MOCOS: variants seen among roughly 807,000 people sequenced by gnomAD.
MOCOS encodes human molybdenum cofactor sulfurase.
MOCOS carries 86 observed loss-of-function variants against 83.6 expected under a neutral mutation model. The observed-to-expected ratio is 1.03, with a 90% CI of 0.86 to 1.23. The LOEUF (loss-of-function observed/expected upper bound fraction) is 1.23, where lower values mean the gene tolerates loss of function less well. Ranked by LOEUF, MOCOS falls within the 50% of genes most tolerant of loss-of-function variation. The pLI is 0.00. For synonymous variants in MOCOS, 445 were observed against 434.7 expected (o/e 1.02, Z -0.29); for missense variants, 1,120 against 1,126.9 (o/e 0.99, Z 0.09).
At chr18:36,261,659 C>G (rs1233973430) in intron 13 of MOCOS, among the ~76,000 whole-genome samples, 1 of 152,142 alleles carries the variant, frequency 6.6e-6, no homozygotes, top group Admixed American at 6.5e-5. Context: ...CCCTAGACTT[C>G]CTCTTACCCT....
At chr18:36,217,969 C>A (rs2091481347) in intron 8 of MOCOS, among the ~76,000 whole-genome samples, 1 of 152,144 alleles carries the variant, frequency 6.6e-6, no homozygotes, top group Non-Finnish European at 1.5e-5. Flanking sequence ...TGCTCCACAG[C>A]TGAACTTCTA....
chr18:36,235,817 G>C (rs1266902345), intron 9 of MOCOS, among the ~76,000 whole-genome samples: 1 of 145,872 alleles, frequency 6.9e-6, no homozygotes, highest in Non-Finnish European at 1.5e-5. Flanking sequence ...TTTAATGATT[G>C]CCATTCTAAC....
Position 36,235,754 on chromosome 18 carries a change from A to G in MOCOS, c.1961-13168A>G, listed in dbSNP as rs567344368. Among the ~76,000 whole-genome samples, 91 of 150,344 alleles carry G rather than the reference A, an allele frequency of 6.1e-4. 1 individual carries two copies. Among genetic ancestry groups the G allele is most frequent in the African/African-American group, 1.8e-3 (72 of 40,872 alleles). On this transcript the variant is annotated intron_variant, in intron 9 of 14. Coordinates refer to ENST00000261326, the MANE Select transcript of MOCOS (RefSeq NM_017947.4). ...TAGTTTACAGTCCCAACAACAGTGTAAAAGTGTTCCTATTTCTCCACATCC... is the reference window on the plus strand; with the variant it reads ...TAGTTTACAGTCCCAACAACAGTGTGAAAGTGTTCCTATTTCTCCACATCC...
At chr18:36,223,617 T>C (rs1057171686) in intron 9 of MOCOS, among the ~76,000 whole-genome samples, 1 of 152,212 alleles carries the variant, frequency 6.6e-6, no homozygotes, top group Non-Finnish European at 1.5e-5. Flanking sequence ...GTTCTTTCTA[T>C]TTCTGTAAAA....
chr18:36,210,850 C>CAAAAAAAAAAAAA lies in MOCOS; in HGVS notation c.1219-2498_1219-2486dup, dbSNP rs60856965. Among the ~76,000 whole-genome samples, 151 of 48,044 alleles carry CAAAAAAAAAAAAA rather than the reference C, an allele frequency of 3.1e-3. 18 individuals are homozygous for CAAAAAAAAAAAAA. Among genetic ancestry groups the CAAAAAAAAAAAAA allele is most frequent in the Non-Finnish European group, 3.3e-3 (94 of 28,256 alleles). The allele number at this position is 48,044 out of a possible 152,430, so 31.5% of individuals were successfully genotyped here. A position where few individuals can be genotyped will look rare whatever the true frequency, so the allele number is the denominator to read the frequency against. ...TGGGTGACAGAGCAAGACTCTGTCT[C>CAAAAAAAAAAAAA]AAAAAAAAAAAAAAAAAAAAAAAAA... On this transcript the variant is annotated intron_variant, in intron 6 of 14. Transcript: ENST00000261326.
intron 9 of MOCOS, among the ~76,000 whole-genome samples, chr18:36,234,119 A>G (rs78264868): frequency 0.017 from 2,539 of 152,288 alleles, 59 homozygotes; most frequent in African/African-American, 0.057. Flanking sequence ...CGCAATATCT[A>G]GAAGGGTTTT....
chr18:36,228,608 C>T (rs1027378629), intron 9 of MOCOS, among the ~76,000 whole-genome samples: 1 of 152,024 alleles, frequency 6.6e-6, no homozygotes, highest in Non-Finnish European at 1.5e-5. Context: ...CATGTTCTCA[C>T]TTATAAATGG....
rs758219861 is a variant in MOCOS, at chr18:36,215,647, C to T, written c.1467C>T (p.Arg489=). ...QAFLRFIIDT[R]LHSSGDWPVP... ...TTCTTAGGTTCATCATAGACACTCG[C>T]CTGCACTCATCAGGGGACTGGCCTG... The change falls in exon 8 of 15, where the codon CGC becomes CGT. Residue 489 remains arginine, a synonymous_variant. Coordinates refer to ENST00000261326, the MANE Select transcript of MOCOS (RefSeq NM_017947.4). The T allele has an allele frequency of 4.3e-6, 7 of 1,614,060 alleles. No individual in the cohort carries two copies. The highest frequency in any genetic ancestry group is 1.3e-5 in the African/African-American group (1 of 74,926).
In MOCOS at chr18:36,269,111, T is replaced by G; in HGVS notation, c.*426T>G. On this transcript the variant is annotated 3_prime_UTR_variant, in exon 15 of 15. Transcript: ENST00000261326. ...AGTGAGGAAGGGAGTCTATGCCCAG[T>G]GATCCTGGGTATGAGAAGGTGCTCC... 1 of 207,550 alleles carries G rather than the reference T, an allele frequency of 4.8e-6. No individual in the cohort carries two copies. The highest frequency in any genetic ancestry group is 9.8e-6 in the Non-Finnish European group (1 of 101,898). The allele number at this position is 207,550 out of a possible 1,614,324, so 12.9% of individuals were successfully genotyped here.
At chr18:36,201,274 CTGGA>C (rs1431155077) in intron 4 of MOCOS, among the ~76,000 whole-genome samples, 1 of 152,212 alleles carries the variant, frequency 6.6e-6, no homozygotes, top group Non-Finnish European at 1.5e-5. Context: ...AAGCCTCAGG[CTGGA>C]CCACTGGGGA....
chr18:36,208,425 C>T (rs865803196), intron 6 of MOCOS, among the ~76,000 whole-genome samples: 38 of 152,140 alleles, frequency 2.5e-4, no homozygotes, highest in African/African-American at 9.2e-4. Flanking sequence ...TGTTCCTATC[C>T]ATGAGTATGG....
intron 9 of MOCOS, among the ~76,000 whole-genome samples, chr18:36,234,239 T>C (rs920875284): frequency 3.9e-5 from 6 of 152,198 alleles, no homozygotes; most frequent in Non-Finnish European, 5.9e-5. Flanking sequence ...CATTTTCATG[T>C]TTTTACATGT....
At chr18:36,242,956 G>T (rs2091589334) in intron 9 of MOCOS, among the ~76,000 whole-genome samples, 1 of 152,134 alleles carries the variant, frequency 6.6e-6, no homozygotes, top group Non-Finnish European at 1.5e-5. Context: ...TTTCAGCAGT[G>T]TTTTATTGTT....
Position 36,187,646 on chromosome 18 carries a change from G to A in MOCOS, c.107G>A (p.Arg36His), listed in dbSNP as rs2091346612. 8.0e-7 allele frequency: 1 copy of A among 1,251,860 alleles called. No homozygotes were observed. The highest frequency in any genetic ancestry group is 1.0e-6 in the Non-Finnish European group (1 of 997,988). The allele number at this position is 1,251,860 out of a possible 1,614,324, so 77.5% of individuals were successfully genotyped here. A position where few individuals can be genotyped will look rare whatever the true frequency, so the allele number is the denominator to read the frequency against. The change falls in exon 1 of 15, where the codon CGC becomes CAC. Residue 36 changes from arginine (R) to histidine (H), a missense_variant. Transcript: ENST00000261326. ...TACGGCTACGGCCCGGGCAGCCTGC[G>A]CGAGCTGCGGGCGCGCGAGTTCAGC... is the stretch of plus-strand genomic sequence containing the variant. ...LAYGYGPGSL[R>H]ELRAREFSRL...
intron 9 of MOCOS, among the ~76,000 whole-genome samples, chr18:36,221,664 T>C (rs547925600): frequency 9.9e-5 from 15 of 152,074 alleles, no homozygotes; most frequent in Non-Finnish European, 1.9e-4. Flanking sequence ...CGTGGTTTAT[T>C]TTTCCTTGAA....
chr18:36,245,112 G>A (rs1173522763), intron 9 of MOCOS, among the ~76,000 whole-genome samples: 1 of 152,000 alleles, frequency 6.6e-6, no homozygotes, highest in Non-Finnish European at 1.5e-5. Context: ...GAACATTTAG[G>A]CCATTTACAT....
At chr18:36,245,201 G>A (rs1277298764) in intron 9 of MOCOS, among the ~76,000 whole-genome samples, 1 of 151,784 alleles carries the variant, frequency 6.6e-6, no homozygotes, top group Non-Finnish European at 1.5e-5. Flanking sequence ...TTTTTATTGT[G>A]TTATTGTTTT....
At chr18:36,226,343 C>G (rs2091515236) in intron 9 of MOCOS, among the ~76,000 whole-genome samples, 2 of 152,076 alleles carry the variant, frequency 1.3e-5, no homozygotes, top group Admixed American at 6.6e-5. Flanking sequence ...GCCACTCCTA[C>G]TCTCTTTTGG....
intron 13 of MOCOS, among the ~76,000 whole-genome samples, chr18:36,263,005 A>G (rs574756269): frequency 6.6e-6 from 1 of 152,104 alleles, no homozygotes; most frequent in East Asian, 1.9e-4. Context: ...GCTACTCAGG[A>G]GGCTGAGGTG....
Sources: gnomAD v4.1 joint callset for allele counts (sites outside exome capture counted in the v4.1 genomes callset) on GRCh38, gnomAD v4.1.1 for gene constraint, MANE v1.5 for transcripts, NCBI Gene and HGNC (gene_info 2026-07-23, HGNC 2026-07-21) for gene names.